Variants in PDE7A observed in about 807,000 individuals in gnomAD.
PDE7A encodes high affinity 3',5'-cyclic-AMP phosphodiesterase 7A.
A neutral mutation model predicts 64.3 loss-of-function variants in PDE7A; 39 were observed. The observed-to-expected ratio is 0.61, with a 90% CI of 0.47 to 0.79. The LOEUF is 0.79. Among genes scored for constraint, PDE7A ranks in the 30% least tolerant of loss-of-function variants. The pLI is 0.00. For synonymous variants in PDE7A, 203 were observed against 206.8 expected, an observed-to-expected ratio of 0.98 and a Z score of 0.16; for missense variants, 470 against 582.8, an observed-to-expected ratio of 0.81 and a Z score of 1.99.
At chr8:65,774,250 G>T (rs1279671438) in intron 3 of PDE7A, among the ~76,000 whole-genome samples, 1 of 152,086 alleles carries the variant, frequency 6.6e-6, no homozygotes, top group African/African-American at 2.4e-5. Context: ...ACTCTTTCGT[G>T]CTGTTGGAAA....
At chr8:65,820,492 A>G (rs1188510011) in intron 1 of PDE7A, among the ~76,000 whole-genome samples, 1 of 152,120 alleles carries the variant, frequency 6.6e-6, no homozygotes, top group Non-Finnish European at 1.5e-5. Context: ...CATAGGAAAT[A>G]CATAAAAATA....
At chr8:65,798,206 ATTT>A (rs1554568896) in intron 1 of PDE7A, among the ~76,000 whole-genome samples, 10 of 73,834 alleles carry the variant, frequency 1.4e-4, no homozygotes, top group African/African-American at 4.7e-4. Context: ...ATATATATAT[ATTT>A]TTTTTTTTTT....
At chr8:65,813,867 T>C (rs1021321746) in intron 1 of PDE7A, among the ~76,000 whole-genome samples, 1 of 152,186 alleles carries the variant, frequency 6.6e-6, no homozygotes, top group Non-Finnish European at 1.5e-5. Context: ...CCTTGATAAT[T>C]TTCTCTTCTT....
intron 1 of PDE7A, among the ~76,000 whole-genome samples, chr8:65,799,720 A>G (rs1234658632): frequency 6.6e-6 from 1 of 152,154 alleles, no homozygotes; most frequent in Non-Finnish European, 1.5e-5. Context: ...CTGGAAAGAG[A>G]GCTGGGCTGG....
At chr8:65,736,691 A>T (rs1174118125) in intron 6 of PDE7A, among the ~76,000 whole-genome samples, 1 of 151,720 alleles carries the variant, frequency 6.6e-6, no homozygotes, top group Non-Finnish European at 1.5e-5. Context: ...TTGAGGGTGC[A>T]GTGAGCCATG....
At chr8:65,751,426 C>A (rs1452770687) in intron 3 of PDE7A, among the ~76,000 whole-genome samples, 1 of 151,964 alleles carries the variant, frequency 6.6e-6, no homozygotes, top group East Asian at 1.9e-4. Flanking sequence ...CAAGCCCTAC[C>A]CCAAAATGGT....
intron 5 of PDE7A, 38 bp from the exon 6 acceptor site, chr8:65,739,635 A>G (rs1188217443): frequency 7.0e-7 from 1 of 1,437,926 alleles, no homozygotes; most frequent in Non-Finnish European, 9.2e-7. Context: ...AGTAGGAAAT[A>G]CAAGTCAACA....
At chr8:65,838,525 G>T (rs1199968696) in intron 1 of PDE7A, 1 of 152,108 alleles carries the variant, frequency 6.6e-6, no homozygotes, top group Non-Finnish European at 1.5e-5. Flanking sequence ...AATTTTCCAG[G>T]TAACTCAAGC....
chr8:65,762,037 C>T (rs1051117105), intron 3 of PDE7A, among the ~76,000 whole-genome samples: 2 of 152,202 alleles, frequency 1.3e-5, no homozygotes, highest in African/African-American at 4.8e-5. Flanking sequence ...GGGAGCCCTG[C>T]AGCCACTGTA....
intron 6 of PDE7A, among the ~76,000 whole-genome samples, chr8:65,736,714 C>T (rs147012213): frequency 2.1e-3 from 321 of 151,140 alleles, no homozygotes; most frequent in Non-Finnish European, 3.6e-3. Context: ...CACGCCACTG[C>T]ACTCAAGCCT....
intron 1 of PDE7A, among the ~76,000 whole-genome samples, chr8:65,833,394 A>C (rs1336820951): frequency 3.9e-5 from 6 of 152,242 alleles, no homozygotes. Context: ...TTATTACTTC[A>C]AATAACTACA....
chr8:65,735,051 A>C (rs1365176705), intron 6 of PDE7A, among the ~76,000 whole-genome samples, 157 bp from the exon 7 acceptor site: 1 of 152,184 alleles, frequency 6.6e-6, no homozygotes, highest in Non-Finnish European at 1.5e-5. Context: ...CACAACTCAC[A>C]TGTATACCAA....
chr8:65,802,176 A>G (rs6991945), intron 1 of PDE7A, among the ~76,000 whole-genome samples: 6,778 of 152,256 alleles, frequency 0.045, 527 homozygotes, highest in African/African-American at 0.15. Context: ...GGCTGGGGAG[A>G]GCAGGGAATA....
intron 3 of PDE7A, among the ~76,000 whole-genome samples, chr8:65,776,021 T>G (rs1809250612): frequency 6.6e-6 from 1 of 152,160 alleles, no homozygotes; most frequent in Non-Finnish European, 1.5e-5. Context: ...AAATTCACTT[T>G]AATTTCAGGC....
chr8:65,819,340 T>C (rs796786367), intron 1 of PDE7A, among the ~76,000 whole-genome samples: 1 of 152,226 alleles, frequency 6.6e-6, no homozygotes, highest in East Asian at 1.9e-4. Context: ...AGGGTTGCAG[T>C]GAGCCCGGAC....
intron 3 of PDE7A, among the ~76,000 whole-genome samples, chr8:65,779,157 T>C (rs913883338): frequency 1.3e-5 from 2 of 152,216 alleles, no homozygotes; most frequent in African/African-American, 4.8e-5. Context: ...CAAATTACTT[T>C]AGCTAACATT....
intron 3 of PDE7A, among the ~76,000 whole-genome samples, chr8:65,776,338 C>G (rs1809258588): frequency 6.6e-6 from 1 of 152,050 alleles, no homozygotes; most frequent in African/African-American, 2.4e-5. Flanking sequence ...ATTAACATCA[C>G]CTTGACTTAA....
chr8:65,814,540 T>C (rs924151379), intron 1 of PDE7A, among the ~76,000 whole-genome samples: 2 of 149,058 alleles, frequency 1.3e-5, no homozygotes, highest in African/African-American at 4.9e-5. Flanking sequence ...AAAAAAGGAC[T>C]TTCATATGTG....
intron 1 of PDE7A, among the ~76,000 whole-genome samples, chr8:65,833,089 A>T (rs993616479): frequency 6.6e-6 from 1 of 152,198 alleles, no homozygotes; most frequent in Non-Finnish European, 1.5e-5. Flanking sequence ...AATCAACAAC[A>T]CACAACCAAT....
Sources: allele counts gnomAD v4.1 joint callset (sites outside exome capture counted in the v4.1 genomes callset), GRCh38; gene constraint gnomAD v4.1.1; transcripts MANE v1.5; gene names NCBI Gene and HGNC (gene_info 2026-07-23, HGNC 2026-07-21).